Variants in RNF157 observed in about 807,000 individuals in gnomAD.
The protein encoded by RNF157 is ring finger protein 157, also known as E3 ubiquitin ligase RNF157.
In RNF157, 55 loss-of-function variants were observed where a neutral mutation model predicts 88.3. That is an observed-to-expected ratio of 0.62 (90% CI 0.50 to 0.78). RNF157 has a LOEUF of 0.78. Ranked by LOEUF, RNF157 falls within the 30% of genes least tolerant of loss-of-function variation. RNF157 has a pLI of 0.00. For missense variants in RNF157, 788 were observed against 860.8 expected (o/e 0.92, Z 1.06); for synonymous variants, 334 against 341.2 (o/e 0.98, Z 0.23).
In RNF157 at chr17:76,161,638, G is replaced by A. The variant is rs780529932; in HGVS notation, c.962C>T (p.Ala321Val). 2.5e-6 allele frequency: 4 copies of A among 1,613,700 alleles called. No homozygotes were observed. In the Admixed American group the frequency reaches 6.7e-5, roughly 27 times the overall value. ...NCPICRLPFRALLQIRAMRKK... is the reference protein window; with the variant it reads ...NCPICRLPFRVLLQIRAMRKK... Reference sequence around the variant, plus strand: ...CCTCATGGCTCGGATCTGAAGCAGTGCCCGGAAGGCTGTGAAGGAGAAAAC... The same window carrying A: ...CCTCATGGCTCGGATCTGAAGCAGTACCCGGAAGGCTGTGAAGGAGAAAAC... Residue 321 changes from alanine to valine, a missense_variant, in exon 11 of 19, where the codon GCA becomes GTA. Coordinates refer to ENST00000269391, the MANE Select transcript of RNF157 (RefSeq NM_052916.3). The surrounding 1 kb of genome is among the most constrained non-coding windows in gnomAD (Gnocchi z 4.6).
intron 1 of RNF157, chr17:76,225,669 C>T: frequency 4.3e-6 from 5 of 1,171,070 alleles, no homozygotes; most frequent in South Asian, 2.1e-5. Flanking sequence ...TATTTTTTTC[C>T]CTACAAAATA....
At position 76,167,789 on chromosome 17, in the gene RNF157, T is replaced by G; in HGVS notation, c.305A>C (p.Glu102Ala). Residue 102 changes from glutamate (E) to alanine (A), a missense_variant, in exon 4 of 19, where the codon GAG becomes GCG. Coordinates refer to ENST00000269391, the MANE Select transcript of RNF157 (RefSeq NM_052916.3). Reference sequence around the variant, plus strand: ...CTCTTCTCCAGGGCTCTTCACTTCCTCAGCACATCTAGAAAACCAGAGACT... The same window carrying G: ...CTCTTCTCCAGGGCTCTTCACTTCCGCAGCACATCTAGAAAACCAGAGACT... ...KDTLRLVKCA[E>A]EVKSPGEEAS... The G allele has an allele frequency of 6.2e-7, 1 of 1,613,492 alleles. No homozygotes were observed. Among genetic ancestry groups the G allele is most frequent in the Non-Finnish European group, 8.5e-7 (1 of 1,179,770 alleles).
chr17:76,220,685 C>T lies in RNF157; in HGVS notation c.89-8203G>A, dbSNP rs1022803013. Among the ~76,000 whole-genome samples the T allele has an allele frequency of 4.6e-5, 7 of 151,604 alleles. No individual in the cohort carries two copies. The South Asian group carries it at 8.3e-4, about 18-fold the overall frequency. On this transcript the variant is annotated intron_variant, in intron 1 of 18. Coordinates refer to ENST00000269391, the MANE Select transcript of RNF157 (RefSeq NM_052916.3). The stretch of plus-strand genomic sequence containing the variant: ...TTTTTTTTTAGTTAGCTGGGCCAGG[C>T]GCAGTGGCTCACGCCTGTAATCCCA...
intron 1 of RNF157, among the ~76,000 whole-genome samples, chr17:76,228,603 A>G (rs1291981474): frequency 6.6e-6 from 1 of 152,108 alleles, no homozygotes; most frequent in Non-Finnish European, 1.5e-5. Flanking sequence ...AAATACCAAA[A>G]AAGTTCCATC....
intron 2 of RNF157, among the ~76,000 whole-genome samples, chr17:76,202,163 C>T (rs185974055): frequency 1.3e-5 from 2 of 151,842 alleles, no homozygotes; most frequent in Admixed American, 1.3e-4. Context: ...CACACACACA[C>T]ACACACACGT....
chr17:76,211,621 T>G (rs1303081692), intron 2 of RNF157, among the ~76,000 whole-genome samples: 1 of 152,198 alleles, frequency 6.6e-6, no homozygotes, highest in Non-Finnish European at 1.5e-5. Flanking sequence ...TCCTAGCTTC[T>G]GTCATTATTC....
chr17:76,177,097 C>A (rs967053749), intron 2 of RNF157, among the ~76,000 whole-genome samples: 11 of 152,112 alleles, frequency 7.2e-5, no homozygotes, highest in African/African-American at 2.7e-4. Flanking sequence ...ACAGGCAGAG[C>A]TCATGGCGAT....
intron 8 of RNF157, 135 bp downstream of exon 8, chr17:76,164,611 TAA>T (rs370597314): frequency 0.01 from 4,098 of 392,424 alleles, no homozygotes; most frequent in South Asian, 0.014. Flanking sequence ...CTTCTTTGAT[TAA>T]AAAAAAAAAA....
intron 2 of RNF157, among the ~76,000 whole-genome samples, chr17:76,187,176 T>C (rs2069305855): frequency 6.6e-6 from 1 of 151,868 alleles, no homozygotes; most frequent in African/African-American, 2.4e-5. Context: ...AGGATTTTCT[T>C]TTTTTCTTCT....
At chr17:76,152,654 C>T (rs998799531) in intron 17 of RNF157, 189 bp from the exon 18 acceptor site, 12 of 540,914 alleles carry the variant, frequency 2.2e-5, no homozygotes, top group Admixed American at 3.1e-5. Context: ...TGTGTTCTCG[C>T]GCTTTCCTGC....
intron 2 of RNF157, among the ~76,000 whole-genome samples, chr17:76,179,513 C>T (rs575312972): frequency 2.0e-5 from 3 of 152,032 alleles, no homozygotes; most frequent in African/African-American, 4.8e-5. Context: ...GCCAACATAG[C>T]GAAACCCCAT....
intron 2 of RNF157, among the ~76,000 whole-genome samples, chr17:76,188,858 T>C (rs959595835): frequency 4.6e-5 from 7 of 152,220 alleles, no homozygotes; most frequent in African/African-American, 1.7e-4. Context: ...ACAGGGCTGA[T>C]ATCAACAGCA....
intron 2 of RNF157, among the ~76,000 whole-genome samples, chr17:76,188,316 G>T (rs890731296): frequency 3.9e-5 from 6 of 151,920 alleles, no homozygotes; most frequent in Non-Finnish European, 7.4e-5. Context: ...GCCCATCCTT[G>T]TAAATCTCCA....
rs114184695 is a variant in RNF157, at chr17:76,179,787, C to A, written c.208-5997G>T. Among the ~76,000 whole-genome samples the A allele has an allele frequency of 7.1e-3, 1,074 of 152,334 alleles. 16 individuals are homozygous for A. The highest frequency in any genetic ancestry group is 0.024 in the African/African-American group (981 of 41,570). ...TGAAAGGAAAGAAAACTAATGCCTT[C>A]TTGGGACCAAGAAAGATGAAGCTCA... On this transcript the variant is annotated intron_variant, in intron 2 of 18. Transcript: ENST00000269391.
At chr17:76,173,936 C>T in intron 2 of RNF157, 146 bp from the exon 3 acceptor site, 1 of 683,506 alleles carries the variant, frequency 1.5e-6, no homozygotes. Flanking sequence ...GAAACTCCGA[C>T]ATACTGAGTC....
intron 2 of RNF157, among the ~76,000 whole-genome samples, chr17:76,190,841 G>T (rs755703373): frequency 1.4e-5 from 2 of 146,644 alleles, no homozygotes; most frequent in African/African-American, 5.1e-5. Flanking sequence ...CCGGGAGGCG[G>T]AGCTTGCAGT....
intron 2 of RNF157, among the ~76,000 whole-genome samples, chr17:76,182,686 A>G (rs1167568406): frequency 6.7e-6 from 1 of 148,898 alleles, no homozygotes; most frequent in African/African-American, 2.5e-5. Flanking sequence ...ATAAAAATAA[A>G]GTTAACTTCA....
Position 76,160,374 on chromosome 17 carries a change from GTT to G in RNF157, c.1066-803_1066-802del. 6.8e-6 allele frequency among the ~76,000 whole-genome samples: 1 copy of G among 147,844 alleles called. No individual in the cohort carries two copies. The highest frequency in any genetic ancestry group is 2.5e-5 in the African/African-American group (1 of 40,556). On this transcript the variant is annotated intron_variant, in intron 11 of 18. Transcript: ENST00000269391. The surrounding 1 kb of genome is among the most constrained non-coding windows in gnomAD (Gnocchi z 4.3). ...TTGATATATACTGCTGTTTTCTGCTGTTTTTTTTTTCAGTGCCTTTTCTAGTT... is the reference window on the plus strand; with the variant it reads ...TTGATATATACTGCTGTTTTCTGCTGTTTTTTTTCAGTGCCTTTTCTAGTT...
chr17:76,188,792 A>C (rs2069335324), intron 2 of RNF157, among the ~76,000 whole-genome samples: 1 of 152,238 alleles, frequency 6.6e-6, no homozygotes, highest in South Asian at 2.1e-4. Flanking sequence ...TAACGAATAC[A>C]TCATGGAAAG....
Sources: allele counts gnomAD v4.1 joint callset (sites outside exome capture counted in the v4.1 genomes callset), GRCh38; gene constraint gnomAD v4.1.1; non-coding constraint Gnocchi (gnomAD v3.1); transcripts MANE v1.5; gene names NCBI Gene and HGNC (gene_info 2026-07-23, HGNC 2026-07-21).